PCDHA7: variants seen among roughly 807,000 people sequenced by gnomAD.
The protein encoded by PCDHA7 is protocadherin alpha-7.
PCDHA7 carries 37 observed loss-of-function variants against 57.2 expected under a neutral mutation model. That is an observed-to-expected ratio of 0.65 (90% CI 0.50 to 0.85). PCDHA7 has a LOEUF of 0.85. PCDHA7 is among the 40% of genes least tolerant of loss of function. The pLI, the probability that PCDHA7 is intolerant of heterozygous loss-of-function variation, is 0.00. For synonymous variants in PCDHA7, 553 were observed against 558.8 expected, an observed-to-expected ratio of 0.99 and a Z score of 0.15; for missense variants, 1,188 against 1,241.8, an observed-to-expected ratio of 0.96 and a Z score of 0.65.
At chr5:140,926,899 G>T (rs1554203765) in intron 1 of PCDHA7, 28 of 1,552,028 alleles carry the variant, frequency 1.8e-5, no homozygotes, top group Non-Finnish European at 2.4e-5. Context: ...GAGGATGGTG[G>T]GCTGTGGGGT....
chr5:141,001,253 C>G (rs896546841), intron 3 of PCDHA7, among the ~76,000 whole-genome samples: 1 of 152,078 alleles, frequency 6.6e-6, no homozygotes, highest in East Asian at 1.9e-4. Context: ...CCCTATGGGG[C>G]GGGCACTCTT....
In PCDHA7 at chr5:140,849,637, C is replaced by T. The variant is rs1581190048; in HGVS notation, c.2355+12899C>T. 3.8e-6 allele frequency: 6 copies of T among 1,598,688 alleles called. 1 individual carries two copies. Among genetic ancestry groups the T allele is most frequent in the Non-Finnish European group, 5.1e-6 (6 of 1,167,950 alleles). On this transcript the variant is annotated intron_variant, in intron 1 of 3. Transcript: ENST00000525929. ...AGTGTGATCGACCTAGACGCAGATG[C>T]CAACGGGCAGGTTACCTGCTCCCTG...
intron 1 of PCDHA7, chr5:140,877,758 G>A (rs782480713): frequency 1.2e-6 from 2 of 1,614,190 alleles, no homozygotes; most frequent in Non-Finnish European, 1.7e-6. Flanking sequence ...GCTCTGCAGA[G>A]AGCCCGCCCA....
At chr5:140,857,727 A>C in intron 1 of PCDHA7, 1 of 1,597,294 alleles carries the variant, frequency 6.3e-7, no homozygotes, top group South Asian at 1.1e-5. Flanking sequence ...GAGAACGACA[A>C]CGCTCCCGCG....
chr5:141,006,872 G>T (rs1211849672), intron 3 of PCDHA7, among the ~76,000 whole-genome samples: 1 of 152,144 alleles, frequency 6.6e-6, no homozygotes, highest in Non-Finnish European at 1.5e-5. Flanking sequence ...ATAGATTCGA[G>T]GAATCAAGAG....
chr5:140,843,082 G>C (rs1265027526), intron 1 of PCDHA7: 3 of 1,595,314 alleles, frequency 1.9e-6, no homozygotes, highest in African/African-American at 1.3e-5. Flanking sequence ...CTGTGGGCGC[G>C]GGCCACGTGG....
intron 1 of PCDHA7, among the ~76,000 whole-genome samples, chr5:140,977,448 C>G (rs1265708365): frequency 6.6e-6 from 1 of 152,212 alleles, no homozygotes; most frequent in African/African-American, 2.4e-5. Flanking sequence ...ATAATGGAAA[C>G]TCCTTTGATT....
chr5:140,860,977 T>A (rs1314844613), intron 1 of PCDHA7: 1 of 152,212 alleles, frequency 6.6e-6, no homozygotes, highest in African/African-American at 2.4e-5. Flanking sequence ...GACCTCGTGA[T>A]CCACCGGCCT....
chr5:140,871,193 T>G (rs782048235), intron 1 of PCDHA7: 2 of 1,613,630 alleles, frequency 1.2e-6, no homozygotes, highest in African/African-American at 1.3e-5. Flanking sequence ...GATGTCAACG[T>G]GTACCTGATC....
intron 1 of PCDHA7, among the ~76,000 whole-genome samples, chr5:140,895,617 G>T (rs782388218): frequency 6.6e-6 from 1 of 152,084 alleles, no homozygotes; most frequent in Non-Finnish European, 1.5e-5. Context: ...CTCATTGAGG[G>T]TGTTGTCTTT....
intron 1 of PCDHA7, chr5:140,869,991 A>G (rs1554163685): frequency 1.9e-6 from 3 of 1,613,542 alleles, no homozygotes; most frequent in Non-Finnish European, 2.5e-6. Flanking sequence ...CACTAGATCA[A>G]AATAATGGAG....
intron 1 of PCDHA7, chr5:140,860,422 T>A (rs1554153353): frequency 1.3e-5 from 2 of 152,130 alleles, no homozygotes; most frequent in African/African-American, 4.8e-5. Context: ...ACCATTATCC[T>A]GCAAATATGA....
chr5:140,918,238 T>A (rs1486197237), intron 1 of PCDHA7, among the ~76,000 whole-genome samples: 3 of 152,176 alleles, frequency 2.0e-5, no homozygotes, highest in African/African-American at 7.2e-5. Context: ...GTACATTGAT[T>A]TTGTATGCTG....
chr5:140,903,448 G>T (rs188990837), intron 1 of PCDHA7, among the ~76,000 whole-genome samples: 2 of 152,278 alleles, frequency 1.3e-5, no homozygotes, highest in African/African-American at 2.4e-5. Context: ...GAATTCATCT[G>T]ATCAAACTTA....
At chr5:140,969,436 A>G (rs1289383219) in intron 1 of PCDHA7, 2 of 1,549,954 alleles carry the variant, frequency 1.3e-6, no homozygotes, top group Non-Finnish European at 1.7e-6. Flanking sequence ...GACAAGAGTT[A>G]TCTGGTAAAC....
At chr5:140,901,666 T>C (rs539450371) in intron 1 of PCDHA7, among the ~76,000 whole-genome samples, 12 of 152,346 alleles carry the variant, frequency 7.9e-5, no homozygotes, top group African/African-American at 2.6e-4. Context: ...TTGCTCAAGA[T>C]ACCTTTAGGT....
intron 3 of PCDHA7, among the ~76,000 whole-genome samples, chr5:141,000,385 C>A (rs868983393): frequency 3.1e-5 from 2 of 64,984 alleles, no homozygotes; most frequent in South Asian, 5.2e-4. Flanking sequence ...CTCTCTCTCT[C>A]TCTCTCTCTC....
At chr5:140,997,251 G>T (rs1217959179) in intron 3 of PCDHA7, among the ~76,000 whole-genome samples, 2 of 152,060 alleles carry the variant, frequency 1.3e-5, no homozygotes, top group Non-Finnish European at 2.9e-5. Context: ...TTACTTTAGG[G>T]TTCACTCTTC....
At chr5:140,991,481 A>G (rs1272675537) in intron 3 of PCDHA7, among the ~76,000 whole-genome samples, 3 of 152,226 alleles carry the variant, frequency 2.0e-5, no homozygotes, top group Non-Finnish European at 2.9e-5. Flanking sequence ...TCTGGAAGTC[A>G]GAAGTCCACA....
Sources: allele counts gnomAD v4.1 joint callset (sites outside exome capture counted in the v4.1 genomes callset), GRCh38; gene constraint gnomAD v4.1.1; transcripts MANE v1.5; gene names NCBI Gene and HGNC (gene_info 2026-07-23, HGNC 2026-07-21).